Variants in MARK4 observed in about 807,000 individuals in gnomAD.
MARK4 encodes MAP/microtubule affinity-regulating kinase 4.
Under a neutral mutation model 81.5 loss-of-function variants are expected in MARK4, and 19 were observed. The ratio of observed to expected loss-of-function variants is 0.23; its 90% CI spans 0.16 to 0.34. The LOEUF is 0.34. Ranked by LOEUF, MARK4 falls within the 10% of genes least tolerant of loss-of-function variation. The probability of loss-of-function intolerance (pLI) is 1.00; values close to 1 mark genes in which losing one functional copy is unlikely to be tolerated. For synonymous variants in MARK4, 436 were observed against 439.0 expected (o/e 0.99, Z 0.08); for missense variants, 772 against 1,058.8 (o/e 0.73, Z 3.76).
intron 8 of MARK4, among the ~76,000 whole-genome samples, chr19:45,272,689 A>G (rs1307636854): frequency 6.6e-6 from 1 of 152,022 alleles, no homozygotes; most frequent in Non-Finnish European, 1.5e-5. Context: ...GGAGTTCGAG[A>G]CCAGCCTGGC....
In MARK4 at chr19:45,266,216, C is replaced by A. The variant is rs983489492; in HGVS notation, c.493-9C>A. ...GCCACAAATAACCAACCTTCCCCTT[C>A]CCTCCCAGATTGTTTCGGCTGTGCA... On this transcript the variant is annotated splice_polypyrimidine_tract_variant and intron_variant, in intron 6 of 16. Coordinates refer to ENST00000262891, the MANE Select transcript of MARK4 (RefSeq NM_001199867.2). 5 of 1,613,604 alleles carry A rather than the reference C, an allele frequency of 3.1e-6. No individual in the cohort carries two copies. Among genetic ancestry groups the A allele is most frequent in the Non-Finnish European group, 4.2e-6 (5 of 1,179,726 alleles).
intron 7 of MARK4, among the ~76,000 whole-genome samples, chr19:45,269,550 A>G (rs1241262267): frequency 6.6e-6 from 1 of 152,152 alleles, no homozygotes; most frequent in Non-Finnish European, 1.5e-5. Flanking sequence ...CCTGGGAGGA[A>G]GCCAGGGATG....
intron 7 of MARK4, among the ~76,000 whole-genome samples, chr19:45,268,791 A>G (rs916344452): frequency 6.6e-6 from 1 of 152,062 alleles, no homozygotes; most frequent in Non-Finnish European, 1.5e-5. Context: ...CATCTGAAAA[A>G]AAGAAAAATA....
intron 7 of MARK4, among the ~76,000 whole-genome samples, chr19:45,270,719 C>G (rs1970515602): frequency 6.6e-6 from 1 of 152,172 alleles, no homozygotes; most frequent in Admixed American, 6.5e-5. Context: ...TGTGCCTCAG[C>G]CTCCTGAGTA....
At position 45,297,865 on chromosome 19, in the gene MARK4, A is replaced by T; in HGVS notation, c.1788A>T (p.Thr596=). Residue 596 remains threonine, a synonymous_variant, in exon 15 of 17, where the codon ACA becomes ACT. Coordinates refer to ENST00000262891, the MANE Select transcript of MARK4 (RefSeq NM_001199867.2). ...GVQNGPPASP[T]LAHEAAPLPA... ...AGAATGGGCCCCCTGCCTCTCCCAC[A>T]CTGGCCCATGAGGCTGCACCCCTGC... 6.5e-7 allele frequency: 1 copy of T among 1,549,392 alleles called. No individual in the cohort carries two copies. The highest frequency in any genetic ancestry group is 1.7e-4 in the Middle Eastern group (1 of 5,910).
At chr19:45,301,427 G>A (rs944335214) in intron 16 of MARK4, among the ~76,000 whole-genome samples, 3 of 151,856 alleles carry the variant, frequency 2.0e-5, no homozygotes, top group African/African-American at 7.3e-5. Context: ...AGCTGGCCGT[G>A]GTGCCTGTTC....
chr19:45,266,174 G>A, intron 6 of MARK4, 51 bp from the exon 7 acceptor site: 2 of 1,588,608 alleles, frequency 1.3e-6, no homozygotes, highest in Non-Finnish European at 1.7e-6. Flanking sequence ...CACTGAGGGA[G>A]GCTGAGGGTT....
intron 15 of MARK4, among the ~76,000 whole-genome samples, chr19:45,298,505 T>C (rs1970922979): frequency 1.3e-5 from 2 of 152,174 alleles, no homozygotes; most frequent in Non-Finnish European, 2.9e-5. Flanking sequence ...CTAGGGTTAT[T>C]GTGAGGACTA....
intron 1 of MARK4, among the ~76,000 whole-genome samples, chr19:45,253,192 C>A (rs76572134): frequency 8.1e-5 from 12 of 148,208 alleles, no homozygotes; most frequent in Non-Finnish European, 5.9e-5. Context: ...GACCCCCCCA[C>A]ACACACACAC....
At chr19:45,291,786 C>G (rs1017792965) in intron 13 of MARK4, among the ~76,000 whole-genome samples, 4 of 151,992 alleles carry the variant, frequency 2.6e-5, no homozygotes, top group Non-Finnish European at 5.9e-5. Flanking sequence ...TGTCTCAAAA[C>G]AAAACAAAAC....
chr19:45,297,688 A>C lies in MARK4; in HGVS notation c.1611A>C (p.Pro537=), dbSNP rs754619878. The C allele has an allele frequency of 1.3e-6, 2 of 1,526,168 alleles. No individual in the cohort carries two copies. The highest frequency in any genetic ancestry group is 2.2e-5 in the Admixed American group (1 of 45,490). 94.5% of individuals were successfully genotyped at this position (1,526,168 alleles called of 1,614,324 possible). The change falls in exon 15 of 17, where the codon CCA becomes CCC. Residue 537 remains proline (P), a synonymous_variant. Coordinates refer to ENST00000262891, the MANE Select transcript of MARK4 (RefSeq NM_001199867.2). The part of the protein sequence containing the change: ...PNGKENSSGT[P]RVPPASPSSH... ...TCTCTGCCCACAGCTCAGGCACCCC[A>C]CGGGTGCCCCCTGCCTCCCCCTCCA...
chr19:45,266,489 G>C (rs879898008), intron 7 of MARK4, among the ~76,000 whole-genome samples: 15 of 152,042 alleles, frequency 9.9e-5, no homozygotes, highest in East Asian at 3.9e-4. Flanking sequence ...GAGCGGATGG[G>C]GGGGAGGGGA....
chr19:45,288,867 AGTC>A (rs1341895139), intron 13 of MARK4, among the ~76,000 whole-genome samples: 149 of 149,978 alleles, frequency 9.9e-4, no homozygotes, highest in African/African-American at 3.6e-3. Context: ...AAAAAAAAAA[AGTC>A]GTGGGAAGCA....
At chr19:45,282,984 C>T (rs528263418) in intron 12 of MARK4, among the ~76,000 whole-genome samples, 1 of 152,062 alleles carries the variant, frequency 6.6e-6, no homozygotes, top group South Asian at 2.1e-4. Context: ...AGAGCGAGAC[C>T]TCATCTCAAA....
At chr19:45,281,784 A>T (rs1324444737) in intron 12 of MARK4, among the ~76,000 whole-genome samples, 1 of 152,228 alleles carries the variant, frequency 6.6e-6, no homozygotes. Context: ...GACACGTTGT[A>T]CAAAGTGGCT....
chr19:45,278,234 C>T (rs1353022763), intron 9 of MARK4, among the ~76,000 whole-genome samples, 192 bp downstream of exon 9: 1 of 152,116 alleles, frequency 6.6e-6, no homozygotes, highest in Non-Finnish European at 1.5e-5. Flanking sequence ...ACGCCACCCC[C>T]CCGACAGGCT....
chr19:45,281,524 C>A (rs1310413998), intron 12 of MARK4, among the ~76,000 whole-genome samples: 1 of 151,802 alleles, frequency 6.6e-6, no homozygotes, highest in African/African-American at 2.4e-5. Flanking sequence ...CCACACCTGG[C>A]TAATTTTTGT....
chr19:45,302,579 T>C lies in MARK4; in HGVS notation c.2128T>C (p.Ser710Pro). 1 of 1,577,702 alleles carries C rather than the reference T, an allele frequency of 6.3e-7. No homozygotes were observed. Among genetic ancestry groups the C allele is most frequent in the South Asian group, 1.1e-5 (1 of 89,616 alleles). Residue 710 changes from serine (S) to proline (P), a missense_variant, in exon 17 of 17, where the codon TCC (serine) becomes CCC (proline). This residue lies in a region of MARK4 where 548 missense variants were observed against 624.3 expected (regional missense o/e 0.88). Coordinates refer to ENST00000262891, the MANE Select transcript of MARK4 (RefSeq NM_001199867.2). This position sits in a 1 kb window ranked among gnomAD's most constrained non-coding sequence, Gnocchi z 4.9. ...GGGTGCGGGCGGGCCCGAGCCCCTGTCCCACTTCGAAGTGGAGGTCTGCCA... is the reference window on the plus strand; with the variant it reads ...GGGTGCGGGCGGGCCCGAGCCCCTGCCCCACTTCGAAGTGGAGGTCTGCCA... ...HGGAGGPEPL[S>P]HFEVEVCQLP...
intron 8 of MARK4, among the ~76,000 whole-genome samples, chr19:45,274,278 A>G (rs1306162678): frequency 6.6e-6 from 1 of 151,286 alleles, no homozygotes; most frequent in Non-Finnish European, 1.5e-5. Flanking sequence ...GATGATACCA[A>G]CCTTGTGGCA....
Sources: allele counts gnomAD v4.1 joint callset (sites outside exome capture counted in the v4.1 genomes callset), GRCh38; gene constraint gnomAD v4.1.1; regional missense constraint gnomAD v4.1.1; non-coding constraint Gnocchi (gnomAD v3.1); transcripts MANE v1.5; gene names NCBI Gene and HGNC (gene_info 2026-07-23, HGNC 2026-07-21).